The following CALM2 variants were observed in gnomAD, a reference collection of about 807,000 sequenced individuals.
CALM2 encodes calmodulin-2.
In CALM2, 2 loss-of-function variants were observed where a neutral mutation model predicts 19.8. That is an observed-to-expected ratio of 0.10 (90% CI 0.04 to 0.32). The LOEUF is 0.32. Ranked by LOEUF, CALM2 falls within the 10% of genes least tolerant of loss-of-function variation. CALM2 has a pLI of 1.00. For synonymous variants in CALM2, 51 were observed against 52.1 expected (o/e 0.98, Z 0.09); for missense variants, 38 against 178.7 (o/e 0.21, Z 4.49).
At chr2:47,166,834 T>TG (rs564529970) in intron 2 of CALM2, among the ~76,000 whole-genome samples, 68 of 152,276 alleles carry the variant, frequency 4.5e-4, no homozygotes, top group African/African-American at 1.6e-3. Flanking sequence ...AGGTCCTGAA[T>TG]GCCACAGAAC....
intron 1 of CALM2, among the ~76,000 whole-genome samples, chr2:47,175,118 C>G (rs1191808643): frequency 9.2e-6 from 1 of 109,238 alleles, no homozygotes; most frequent in African/African-American, 4.3e-5. Context: ...ACATGATCTC[C>G]CAGTCTGAGG....
intron 1 of CALM2, among the ~76,000 whole-genome samples, chr2:47,174,744 CGTTT>C (rs768947975): frequency 2.0e-5 from 3 of 151,612 alleles, no homozygotes; most frequent in African/African-American, 4.8e-5. Context: ...CTTTACCCTT[CGTTT>C]ATTTAAAAAA....
Position 47,160,742 on chromosome 2 carries a change from G to C in CALM2, c.*34C>G. 7.7e-7 allele frequency: 1 copy of C among 1,299,348 alleles called. No individual in the cohort carries two copies. The highest frequency in any genetic ancestry group is 1.5e-5 in the South Asian group (1 of 65,692). 80.5% of individuals were successfully genotyped at this position (1,299,348 alleles called of 1,614,324 possible). A position where few individuals can be genotyped will look rare whatever the true frequency, so the allele number is the denominator to read the frequency against. On this transcript the variant is annotated 3_prime_UTR_variant, in exon 6 of 6. Transcript: ENST00000272298. ...AAAGAAAAGGCAAATAAACAATTTT[G>C]TACAAGAAATTTAACACATTCTGTA...
chr2:47,161,627 A>C, intron 5 of CALM2, 96 bp downstream of exon 5: 10 of 1,097,346 alleles, frequency 9.1e-6, no homozygotes, highest in Non-Finnish European at 1.2e-5. Flanking sequence ...ACCTAATTTC[A>C]GGGGAAGGGT....
Position 47,162,666 on chromosome 2 carries a change from T to G in CALM2, c.35-4A>C. ...AGTGAAAAAGCTTCTTTGAATTCTG[T>G]TTGAAAGAAAGACCACAATCCAAAT... is the stretch of plus-strand genomic sequence containing the variant. On this transcript the variant is annotated splice_polypyrimidine_tract_variant and splice_region_variant and intron_variant, in intron 2 of 5. Transcript: ENST00000272298. The G allele has an allele frequency of 6.3e-7, 1 of 1,588,378 alleles. No homozygotes were observed. The highest frequency in any genetic ancestry group is 8.6e-7 in the Non-Finnish European group (1 of 1,167,130).
At chr2:47,175,330 T>C (rs376567153) in intron 1 of CALM2, among the ~76,000 whole-genome samples, 7 of 152,118 alleles carry the variant, frequency 4.6e-5, no homozygotes, top group African/African-American at 1.2e-4. Context: ...ACATTAGGAC[T>C]GCACGCTGTT....
chr2:47,176,287 A>C, intron 1 of CALM2, 154 bp downstream of exon 1: 1 of 869,880 alleles, frequency 1.1e-6, no homozygotes, highest in East Asian at 2.7e-5. Flanking sequence ...CTGCGACACA[A>C]CCGTCGCCGG....
rs1376441280 is a variant in CALM2, at chr2:47,176,422, AGCTCAGCGAT to A, written c.3+9_3+18del. 14 of 1,612,780 alleles carry A rather than the reference AGCTCAGCGAT, an allele frequency of 8.7e-6. No homozygotes were observed. Among genetic ancestry groups the A allele is most frequent in the Non-Finnish European group, 1.2e-5 (14 of 1,179,878 alleles). On this transcript the variant is annotated intron_variant, in intron 1 of 5. Transcript: ENST00000272298. ...TTCCCCCCACAGGCCCAGCGCCGGCAGCTCAGCGATGCACTCACCATGCTGCAAGCGCTAC... is the reference window on the plus strand; with the variant it reads ...TTCCCCCCACAGGCCCAGCGCCGGCAGCACTCACCATGCTGCAAGCGCTAC...
upstream of CALM2, chr2:47,176,897 C>T (rs776276653): frequency 4.4e-5 from 43 of 985,300 alleles, no homozygotes; most frequent in Non-Finnish European, 5.2e-5. Context: ...CGCGGTGCGG[C>T]TTCTGCCGTT....
chr2:47,167,744 T>A (rs1309862488), intron 2 of CALM2: 1 of 121,486 alleles, frequency 8.2e-6, no homozygotes, highest in Non-Finnish European at 1.7e-5. Context: ...TAACTTCATC[T>A]ACACAAGGAT....
chr2:47,176,173 C>T (rs902794398), intron 1 of CALM2: 11 of 513,388 alleles, frequency 2.1e-5, no homozygotes, highest in Middle Eastern at 9.9e-4. Flanking sequence ...ACCCATCCTC[C>T]TCCAGCCAAG....
chr2:47,172,625 C>A, intron 1 of CALM2: 1 of 388,104 alleles, frequency 2.6e-6, no homozygotes, highest in South Asian at 2.5e-5. Context: ...TTTGTTTAAG[C>A]TGAGAAAATT....
chr2:47,172,567 G>A, intron 1 of CALM2: 1 of 786,414 alleles, frequency 1.3e-6, no homozygotes, highest in Non-Finnish European at 1.8e-6. Context: ...AGACATGCAT[G>A]GCATTTATTA....
chr2:47,175,173 A>G (rs1573233572), intron 1 of CALM2, among the ~76,000 whole-genome samples: 1 of 140,670 alleles, frequency 7.1e-6, no homozygotes, highest in African/African-American at 2.7e-5. Flanking sequence ...TCCCCCGCAT[A>G]CACTCTTCCA....
chr2:47,174,160 T>C (rs867538971), intron 1 of CALM2: 1 of 152,248 alleles, frequency 6.6e-6, no homozygotes, highest in Non-Finnish European at 1.5e-5. Context: ...CCGTTTTCAA[T>C]GAGCATATGT....
At chr2:47,166,744 TA>T (rs1252147491) in intron 2 of CALM2, among the ~76,000 whole-genome samples, 11 of 152,204 alleles carry the variant, frequency 7.2e-5, no homozygotes. Context: ...TATAGAAGCA[TA>T]TAATTCTAAA....
At chr2:47,170,903 T>G (rs1666643856) in intron 1 of CALM2, 139 bp from the exon 2 acceptor site, 1 of 724,722 alleles carries the variant, frequency 1.4e-6, no homozygotes, top group Non-Finnish European at 2.6e-6. Context: ...GGATAGAAAA[T>G]GCACACATCT....
At chr2:47,172,225 G>C in intron 1 of CALM2, 1 of 304,162 alleles carries the variant, frequency 3.3e-6, no homozygotes, top group East Asian at 8.7e-5. Context: ...TCAGTTTATT[G>C]CATTTTGCAG....
At chr2:47,175,859 G>T (rs1298877977) in intron 1 of CALM2, among the ~76,000 whole-genome samples, 2 of 147,732 alleles carry the variant, frequency 1.4e-5, no homozygotes, top group African/African-American at 4.9e-5. Flanking sequence ...GCGCGGGCTC[G>T]GCCCACACAG....
Sources: allele counts gnomAD v4.1 joint callset (sites outside exome capture counted in the v4.1 genomes callset), GRCh38; gene constraint gnomAD v4.1.1; transcripts MANE v1.5; gene names NCBI Gene and HGNC (gene_info 2026-07-23, HGNC 2026-07-21).